Variants in EDARADD observed in about 807,000 individuals in gnomAD.
EDARADD encodes the protein ectodysplasin-A receptor-associated adapter protein.
Under a neutral mutation model 25.6 loss-of-function variants are expected in EDARADD, and 20 were observed. That is an observed-to-expected ratio of 0.78 (90% CI 0.55 to 1.14). The LOEUF is 1.14. Ranked by LOEUF, EDARADD falls within the 50% of genes most tolerant of loss-of-function variation. EDARADD has a pLI of 0.00. For missense variants in EDARADD, 225 were observed against 270.1 expected (o/e 0.83, Z 1.17); for synonymous variants, 86 against 94.4 (o/e 0.91, Z 0.52).
intron 4 of EDARADD, 113 bp from the exon 5 acceptor site, chr1:236,468,118 C>T (rs1033866648): frequency 6.9e-6 from 7 of 1,014,708 alleles, no homozygotes; most frequent in Non-Finnish European, 9.4e-6. Flanking sequence ...CCAGTCCCTC[C>T]ACCCACCCCA....
At chr1:236,480,818 T>C (rs1006084227) in intron 5 of EDARADD, among the ~76,000 whole-genome samples, 8 of 152,254 alleles carry the variant, frequency 5.3e-5, no homozygotes, top group African/African-American at 1.9e-4. Context: ...TTCATCCTCC[T>C]ACAAATATAC....
intron 5 of EDARADD, among the ~76,000 whole-genome samples, chr1:236,481,427 A>G (rs1362329682): frequency 6.6e-6 from 1 of 152,086 alleles, no homozygotes; most frequent in Non-Finnish European, 1.5e-5. Context: ...CTGGCTTTAA[A>G]AATTCTTACT....
At chr1:236,478,664 G>T (rs911517072) in intron 5 of EDARADD, among the ~76,000 whole-genome samples, 1 of 152,092 alleles carries the variant, frequency 6.6e-6, no homozygotes, top group Non-Finnish European at 1.5e-5. Flanking sequence ...TCAGCTCACT[G>T]CAAGCTCCAC....
chr1:236,394,727 A>AAT (rs1216381623), intron 1 of EDARADD, among the ~76,000 whole-genome samples: 1 of 152,224 alleles, frequency 6.6e-6, no homozygotes, highest in Non-Finnish European at 1.5e-5. Context: ...GCCTTCCTAT[A>AAT]ATAGGCTTAT....
At chr1:236,444,185 C>G (rs1025390874) in intron 4 of EDARADD, among the ~76,000 whole-genome samples, 2 of 152,096 alleles carry the variant, frequency 1.3e-5, no homozygotes, top group African/African-American at 4.8e-5. Context: ...CTTTTTCGTG[C>G]ACTGGGAAAC....
Position 236,482,346 on chromosome 1 carries a change from G to T in EDARADD, c.345G>T (p.Leu115Phe). Residue 115 changes from leucine to phenylalanine, a missense_variant, in exon 6 of 6, where the codon TTG becomes TTT. Physicochemically the swap from Leu to Phe is conservative, Grantham distance 22. Transcript: ENST00000334232. ...CLLRAPTISDLLNDQDLLDVI... is the reference protein window; with the variant it reads ...CLLRAPTISDFLNDQDLLDVI... ...TCCGGGCCCCCACCATAAGTGACTT[G>T]CTCAATGATCAGGACTTACTAGACG... 1 of 1,614,122 alleles carries T rather than the reference G, an allele frequency of 6.2e-7. No homozygotes were observed. The highest frequency in any genetic ancestry group is 8.5e-7 in the Non-Finnish European group (1 of 1,180,044).
chr1:236,351,516 C>A (rs189918274), intron 3 of EDARADD, among the ~76,000 whole-genome samples: 1 of 152,050 alleles, frequency 6.6e-6, no homozygotes, highest in Non-Finnish European at 1.5e-5. Flanking sequence ...TAGAGACCAT[C>A]CTGGCCAACA....
intron 1 of EDARADD, among the ~76,000 whole-genome samples, chr1:236,405,607 T>G (rs1434225109): frequency 6.6e-6 from 1 of 152,202 alleles, no homozygotes; most frequent in Admixed American, 6.5e-5. Context: ...CTTAGTGATG[T>G]GCCACTGAGG....
At chr1:236,373,501 C>A (rs1202621449) in intron 3 of EDARADD, among the ~76,000 whole-genome samples, 1 of 152,224 alleles carries the variant, frequency 6.6e-6, no homozygotes, top group African/African-American at 2.4e-5. Context: ...CCACTGTGCC[C>A]AGCTCCTTCT....
chr1:236,443,502 C>T (rs993485251), intron 4 of EDARADD, among the ~76,000 whole-genome samples: 2 of 151,978 alleles, frequency 1.3e-5, no homozygotes, highest in Non-Finnish European at 2.9e-5. Flanking sequence ...TCATGGATGA[C>T]GTTGAGGGAT....
upstream of EDARADD, among the ~76,000 whole-genome samples, chr1:236,392,876 G>T (rs576660165): frequency 6.6e-6 from 1 of 152,012 alleles, no homozygotes; most frequent in African/African-American, 2.4e-5. Flanking sequence ...CACCATGTTG[G>T]GCAGTCTGAT....
chr1:236,472,756 C>G (rs1659391632), intron 5 of EDARADD, among the ~76,000 whole-genome samples: 2 of 152,134 alleles, frequency 1.3e-5, no homozygotes, highest in South Asian at 4.1e-4. Context: ...TCCTCACAAC[C>G]ACCTTGTGAG....
rs139288728 is a variant in EDARADD, at chr1:236,349,408, C to T, written c.-142+442C>T. ...CGGCCAAATATGAGTGGCCATGTTG[C>T]GTGACATGTGCCCAAGGTGATCAGA... On this transcript the variant is annotated intron_variant, in intron 2 of 7. Transcript: ENST00000439430. Among the ~76,000 whole-genome samples the T allele has an allele frequency of 1.8e-4, 27 of 152,096 alleles. 1 individual carries two copies. Among genetic ancestry groups the T allele is most frequent in the African/African-American group, 6.0e-4 (25 of 41,490 alleles).
chr1:236,426,470 G>A (rs1057441441), intron 3 of EDARADD, among the ~76,000 whole-genome samples: 8 of 152,166 alleles, frequency 5.3e-5, no homozygotes, highest in Non-Finnish European at 8.8e-5. Context: ...TTGTACTTGA[G>A]AGCAGAGCAA....
intron 1 of EDARADD, among the ~76,000 whole-genome samples, chr1:236,401,379 A>G (rs1667609395): frequency 6.6e-6 from 1 of 152,162 alleles, no homozygotes; most frequent in Admixed American, 6.6e-5. Flanking sequence ...CTGAAAGGAC[A>G]TCTTTAGAGA....
chr1:236,449,264 G>T (rs560053765), intron 4 of EDARADD, among the ~76,000 whole-genome samples: 1 of 152,194 alleles, frequency 6.6e-6, no homozygotes, highest in African/African-American at 2.4e-5. Flanking sequence ...CCTCTGTAGA[G>T]ACCCTATGTC....
chr1:236,441,242 C>T (rs1442043148), intron 4 of EDARADD, among the ~76,000 whole-genome samples: 2 of 146,460 alleles, frequency 1.4e-5, no homozygotes, highest in Non-Finnish European at 3.0e-5. Flanking sequence ...AAAGACTAAT[C>T]CAGAGTAAGG....
intron 3 of EDARADD, among the ~76,000 whole-genome samples, chr1:236,385,353 G>A (rs1347348281): frequency 6.9e-6 from 1 of 144,242 alleles, no homozygotes; most frequent in African/African-American, 2.6e-5. Flanking sequence ...AGCTTGCAGT[G>A]AGCCGAGATT....
chr1:236,431,927 C>CAAAAAAAAAA (rs1170622280), intron 4 of EDARADD, among the ~76,000 whole-genome samples: 1 of 17,994 alleles, frequency 5.6e-5, no homozygotes, highest in African/African-American at 9.2e-5. Context: ...GACTCCGTCT[C>CAAAAAAAAAA]AAAAAAAAAA....
Sources: allele counts gnomAD v4.1 joint callset (sites outside exome capture counted in the v4.1 genomes callset), GRCh38; gene constraint gnomAD v4.1.1; transcripts MANE v1.5; gene names NCBI Gene and HGNC (gene_info 2026-07-23, HGNC 2026-07-21).